The following CLIP1 variants were observed in gnomAD, a reference collection of about 807,000 sequenced individuals.
CLIP1 encodes CAP-Gly domain-containing linker protein 1.
A neutral mutation model predicts 161.6 loss-of-function variants in CLIP1; 66 were observed. The observed-to-expected ratio is 0.41, with a 90% CI of 0.33 to 0.50. The LOEUF (loss-of-function observed/expected upper bound fraction) is 0.50, where lower values mean the gene tolerates loss of function less well. CLIP1 is among the 20% of genes least tolerant of loss of function. CLIP1 has a pLI of 0.27. For missense variants in CLIP1, 1,376 were observed against 1,702.0 expected (o/e 0.81, Z 3.37); for synonymous variants, 598 against 626.2 (o/e 0.96, Z 0.67).
intron 10 of CLIP1, among the ~76,000 whole-genome samples, chr12:122,346,651 C>T (rs1033003811): frequency 5.3e-5 from 8 of 152,052 alleles, no homozygotes; most frequent in African/African-American, 1.4e-4. Flanking sequence ...TACAGGCATG[C>T]GCCACCAGGC....
At chr12:122,330,926 G>A (rs1951930221) in intron 15 of CLIP1, among the ~76,000 whole-genome samples, 1 of 151,906 alleles carries the variant, frequency 6.6e-6, no homozygotes, top group Admixed American at 6.6e-5. Flanking sequence ...AAGAGCAGGA[G>A]GGGCTCTGGG....
At chr12:122,363,495 C>CAAA (rs528966555) in intron 4 of CLIP1, among the ~76,000 whole-genome samples, 3 of 110,448 alleles carry the variant, frequency 2.7e-5, no homozygotes, top group South Asian at 2.9e-4. Flanking sequence ...GGCCCTGTCT[C>CAAA]AAAAAAAAAA....
In CLIP1 at chr12:122,377,601, G is replaced by A. The variant is rs1954808009; in HGVS notation, c.445C>T (p.Leu149=). Residue 149 remains leucine, a synonymous_variant, in exon 3 of 26, where the codon CTG becomes TTG. Transcript: ENST00000620786. ...TTPASRATSP[L]CTSTASMVSS... is the part of the protein sequence containing the mutation. ...ACCATGCTGGCCGTAGAAGTGCACA[G>A]CGGTGAAGTAGCTCGGGAGGCGGGC... The A allele has an allele frequency of 1.2e-6, 2 of 1,613,826 alleles. No individual in the cohort carries two copies. Among genetic ancestry groups the A allele is most frequent in the Non-Finnish European group, 1.7e-6 (2 of 1,180,030 alleles).
chr12:122,418,358 T>C (rs1219677758), intron 1 of CLIP1, among the ~76,000 whole-genome samples: 2 of 152,154 alleles, frequency 1.3e-5, no homozygotes, highest in South Asian at 2.1e-4. Flanking sequence ...AAGAGAACTA[T>C]AGATTTGCCA....
intron 4 of CLIP1, among the ~76,000 whole-genome samples, chr12:122,363,165 G>T (rs1275049239): frequency 1.3e-5 from 2 of 152,134 alleles, no homozygotes; most frequent in African/African-American, 2.4e-5. Context: ...CTGCATCTGT[G>T]TGCATTACTG....
intron 1 of CLIP1, among the ~76,000 whole-genome samples, chr12:122,398,911 A>G (rs1388008786): frequency 1.4e-5 from 2 of 142,212 alleles, no homozygotes; most frequent in African/African-American, 5.1e-5. Flanking sequence ...TTTTAATAAA[A>G]TCTAATCCCC....
chr12:122,411,772 C>A lies in CLIP1; in HGVS notation c.-107+10749G>T, dbSNP rs1956542955. On this transcript the variant is annotated intron_variant, in intron 1 of 25. Transcript: ENST00000620786. ...TCCTGCCTAGGGCTGGGAAAGTTGG[C>A]AGAAATAAGGAGTGACTGCTAATGG... Among the ~76,000 whole-genome samples, 11 of 152,056 alleles carry A rather than the reference C, an allele frequency of 7.2e-5. No individual in the cohort carries two copies. The South Asian group carries it at 2.3e-3, about 32-fold the overall frequency.
At chr12:122,324,001 A>G (rs1224722967) in intron 17 of CLIP1, 1 of 152,636 alleles carries the variant, frequency 6.6e-6, no homozygotes, top group Non-Finnish European at 1.5e-5. Flanking sequence ...AAGCTTGCAA[A>G]GAGTCATTTT....
At chr12:122,317,413 T>C (rs1951312381) in intron 18 of CLIP1, among the ~76,000 whole-genome samples, 1 of 152,170 alleles carries the variant, frequency 6.6e-6, no homozygotes, top group African/African-American at 2.4e-5. Context: ...GAAAAAGCCA[T>C]GTCGTGGGAC....
chr12:122,387,172 G>A (rs757089172), intron 1 of CLIP1, among the ~76,000 whole-genome samples: 3 of 152,090 alleles, frequency 2.0e-5, no homozygotes, highest in Non-Finnish European at 4.4e-5. Context: ...GATTACAGGC[G>A]TGCACCACCG....
intron 3 of CLIP1, among the ~76,000 whole-genome samples, chr12:122,365,797 C>G (rs1246236986): frequency 6.6e-6 from 1 of 151,804 alleles, no homozygotes; most frequent in Admixed American, 6.6e-5. Flanking sequence ...TGCTCGAGCC[C>G]AGGAGTTCGA....
intron 1 of CLIP1, among the ~76,000 whole-genome samples, chr12:122,414,020 C>T (rs1202635546): frequency 2.0e-5 from 3 of 152,180 alleles, no homozygotes; most frequent in Non-Finnish European, 4.4e-5. Context: ...AAAAGTCTCC[C>T]TCTGTTCCCT....
At chr12:122,286,715 A>T (rs530806425) in intron 21 of CLIP1, among the ~76,000 whole-genome samples, 1 of 151,040 alleles carries the variant, frequency 6.6e-6, no homozygotes, top group African/African-American at 2.4e-5. Context: ...AAAAATTTTT[A>T]AAGCCGGGTG....
chr12:122,393,414 G>A (rs59410739), intron 1 of CLIP1, among the ~76,000 whole-genome samples: 15 of 151,574 alleles, frequency 9.9e-5, no homozygotes, highest in African/African-American at 2.4e-4. Flanking sequence ...TGCCCGCCTC[G>A]GCCTCCCAGA....
chr12:122,374,000 A>AT (rs917839973), intron 3 of CLIP1, among the ~76,000 whole-genome samples: 14 of 152,064 alleles, frequency 9.2e-5, no homozygotes, highest in Non-Finnish European at 1.5e-4. Context: ...TCTTGTAAAT[A>AT]TTTTTTTTAA....
chr12:122,375,012 C>T (rs1954649530), intron 3 of CLIP1, among the ~76,000 whole-genome samples: 1 of 152,166 alleles, frequency 6.6e-6, no homozygotes, highest in Non-Finnish European at 1.5e-5. Flanking sequence ...CCTGACATCA[C>T]ATCCTAGAAA....
intron 15 of CLIP1, among the ~76,000 whole-genome samples, chr12:122,330,597 G>GTTTTTTTTTTTTTGTTTTTTTTTTTT (rs1555265518): frequency 3.9e-5 from 4 of 101,382 alleles, no homozygotes; most frequent in African/African-American, 1.8e-4. Flanking sequence ...GTATAATGCA[G>GTTTTTTTTTTTTTGTTTTTTTTTTTT]TTTTTTTTTT....
rs1357962305 is a variant in CLIP1 at position 122,279,231 on chromosome 12, TGTTA to T, written c.3648-90_3648-87del. The T allele has an allele frequency of 4.7e-5, 38 of 811,598 alleles. No individual in the cohort carries two copies. The South Asian group carries it at 7.2e-4, about 15-fold the overall frequency. The allele number at this position is 811,598 out of a possible 1,614,324, so 50.3% of individuals were successfully genotyped here. A position where few individuals can be genotyped will look rare whatever the true frequency, so the allele number is the denominator to read the frequency against. On this transcript the variant is annotated intron_variant, in intron 21 of 25. Coordinates refer to ENST00000620786, the MANE Select transcript of CLIP1 (RefSeq NM_001247997.2). This position sits in a 1 kb window ranked among gnomAD's most constrained non-coding sequence, Gnocchi z 4.5. ...TGTTCTAGAACAAACACATAATTAA[TGTTA>T]GTTAATGTAAAAAAAAAAATATAAC...
chr12:122,383,217 T>C (rs926399549), intron 1 of CLIP1, among the ~76,000 whole-genome samples: 1 of 152,244 alleles, frequency 6.6e-6, no homozygotes, highest in Admixed American at 6.5e-5. Flanking sequence ...GAGCAGGCAC[T>C]GTGGTTCTGG....
Sources: allele counts gnomAD v4.1 joint callset (sites outside exome capture counted in the v4.1 genomes callset), GRCh38; gene constraint gnomAD v4.1.1; non-coding constraint Gnocchi (gnomAD v3.1); transcripts MANE v1.5; gene names NCBI Gene and HGNC (gene_info 2026-07-23, HGNC 2026-07-21).